TRIP4: variants seen among roughly 807,000 people sequenced by gnomAD.
TRIP4 encodes activating signal cointegrator 1.
In TRIP4, 54 loss-of-function variants were observed where a neutral mutation model predicts 81.8. The observed-to-expected ratio is 0.66, with a 90% confidence interval of 0.53 to 0.83. The LOEUF (loss-of-function observed/expected upper bound fraction) is 0.83. Ranked by LOEUF, TRIP4 falls within the 40% of genes least tolerant of loss-of-function variation. TRIP4 has a pLI of 0.00. For missense variants in TRIP4, 662 were observed against 683.6 expected, an observed-to-expected ratio of 0.97 and a Z score of 0.35; for synonymous variants, 270 against 242.8, an observed-to-expected ratio of 1.11 and a Z score of -1.04.
chr15:64,389,230 GA>G (rs1223443143), intron 1 of TRIP4, among the ~76,000 whole-genome samples: 3 of 152,190 alleles, frequency 2.0e-5, no homozygotes, highest in Admixed American at 2.0e-4. Flanking sequence ...CACTGATGTT[GA>G]AACCTAAATT....
In TRIP4 at chr15:64,418,600, A is replaced by G. The variant is rs1891939289; in HGVS notation, c.1230A>G (p.Gly410=). ...AGGCTTTCCGTTCTTCAGGATTTGGACTAGAGTTCAACTCATTTCAGCACC... is the reference window on the plus strand; with the variant it reads ...AGGCTTTCCGTTCTTCAGGATTTGGGCTAGAGTTCAACTCATTTCAGCACC... ...QKKAFRSSGF[G]LEFNSFQHQL... is the part of the protein sequence containing the mutation. The change falls in exon 9 of 13, where the codon GGA becomes GGG. Residue 410 remains glycine, a synonymous_variant. Transcript: ENST00000261884. 6.2e-7 allele frequency: 1 copy of G among 1,613,624 alleles called. No individual in the cohort carries two copies. The highest frequency in any genetic ancestry group is 1.7e-5 in the Admixed American group (1 of 60,012).
At chr15:64,395,912 C>T (rs1290509856) in intron 3 of TRIP4, among the ~76,000 whole-genome samples, 1 of 143,878 alleles carries the variant, frequency 7.0e-6, no homozygotes, top group Admixed American at 6.9e-5. Context: ...AGCTAATTTT[C>T]TTTTTTTTTT....
intron 1 of TRIP4, among the ~76,000 whole-genome samples, chr15:64,389,790 C>T (rs532156277): frequency 2.0e-5 from 3 of 149,404 alleles, no homozygotes; most frequent in African/African-American, 4.9e-5. Context: ...CTGCAACCTC[C>T]GCCTCCCACG....
chr15:64,427,591 G>C (rs891350043), intron 11 of TRIP4, among the ~76,000 whole-genome samples: 1 of 152,138 alleles, frequency 6.6e-6, no homozygotes. Flanking sequence ...GGCGAAGCTG[G>C]TCTTGAACTC....
At position 64,430,755 on chromosome 15, in the gene TRIP4, A is replaced by G. The variant is rs138484932; in HGVS notation, c.1575+5124A>G. 6.2e-3 allele frequency among the ~76,000 whole-genome samples: 944 copies of G among 152,282 alleles called. 9 individuals are homozygous for G. Among genetic ancestry groups the G allele is most frequent in the Non-Finnish European group, 8.8e-3 (600 of 68,016 alleles). On this transcript the variant is annotated intron_variant, in intron 11 of 12. Coordinates refer to ENST00000261884, the MANE Select transcript of TRIP4 (RefSeq NM_016213.5). Reference sequence around the variant, plus strand: ...GAATCCATTCCTTTCCTGCCAGCTTACTGACCCTTTAGTCTATTTGATCTT... The same window carrying G: ...GAATCCATTCCTTTCCTGCCAGCTTGCTGACCCTTTAGTCTATTTGATCTT...
At chr15:64,451,949 G>A (rs963891100) in intron 12 of TRIP4, among the ~76,000 whole-genome samples, 5 of 79,526 alleles carry the variant, frequency 6.3e-5, no homozygotes, top group African/African-American at 9.7e-5. Context: ...CACTGTGCCC[G>A]GCCCAAAAAA....
At chr15:64,448,413 G>A (rs1892682050) in intron 12 of TRIP4, among the ~76,000 whole-genome samples, 2 of 152,092 alleles carry the variant, frequency 1.3e-5, no homozygotes, top group Admixed American at 1.3e-4. Context: ...TATTGTTTCT[G>A]TTAGTTAATG....
intron 7 of TRIP4, among the ~76,000 whole-genome samples, chr15:64,410,189 C>T (rs973479485): frequency 1.3e-5 from 2 of 152,008 alleles, no homozygotes. Context: ...CCATGCCCAG[C>T]TAATTTTTGT....
At chr15:64,421,046 A>C (rs895089201) in intron 9 of TRIP4, among the ~76,000 whole-genome samples, 3 of 151,348 alleles carry the variant, frequency 2.0e-5, no homozygotes, top group Non-Finnish European at 4.4e-5. Context: ...ACGGTGGCTC[A>C]TGCCTGTAAT....
intron 8 of TRIP4, among the ~76,000 whole-genome samples, chr15:64,414,430 A>G (rs1006620668): frequency 1.3e-5 from 2 of 151,826 alleles, no homozygotes; most frequent in African/African-American, 4.8e-5. Context: ...TTATCTTCCA[A>G]GTACTTCCCA....
intron 11 of TRIP4, among the ~76,000 whole-genome samples, chr15:64,429,194 G>T (rs993077332): frequency 6.6e-6 from 1 of 152,008 alleles, no homozygotes; most frequent in Non-Finnish European, 1.5e-5. Context: ...GCAGGAGCCT[G>T]TAATCTCAGC....
intron 1 of TRIP4, among the ~76,000 whole-genome samples, chr15:64,389,729 G>A (rs1157943342): frequency 4.0e-5 from 2 of 49,590 alleles, no homozygotes; most frequent in Non-Finnish European, 7.8e-5. Context: ...TTTTTTTTTT[G>A]AGACAGATTC....
intron 11 of TRIP4, 31 bp from the exon 12 acceptor site, chr15:64,444,975 A>C: frequency 8.1e-7 from 1 of 1,241,172 alleles, no homozygotes; most frequent in Non-Finnish European, 1.2e-6. Flanking sequence ...TGTCCCAACT[A>C]TCCTGAACTT....
chr15:64,399,647 G>A (rs1211347145), intron 4 of TRIP4, among the ~76,000 whole-genome samples: 3 of 151,826 alleles, frequency 2.0e-5, no homozygotes, highest in Non-Finnish European at 4.4e-5. Flanking sequence ...GATTACAGGT[G>A]CCCACTACCA....
chr15:64,428,138 T>C (rs1892190286), intron 11 of TRIP4, among the ~76,000 whole-genome samples: 7 of 152,204 alleles, frequency 4.6e-5, no homozygotes. Context: ...ATGTGGATGA[T>C]GGTTTTTGGC....
At chr15:64,423,467 A>C (rs1892064270) in intron 9 of TRIP4, among the ~76,000 whole-genome samples, 1 of 150,602 alleles carries the variant, frequency 6.6e-6, no homozygotes, top group Non-Finnish European at 1.5e-5. Flanking sequence ...GTCTCAAAAA[A>C]AAAAAAAAAA....
chr15:64,392,091 A>G (rs973695896), intron 1 of TRIP4, among the ~76,000 whole-genome samples: 1 of 151,562 alleles, frequency 6.6e-6, no homozygotes, highest in South Asian at 2.1e-4. Flanking sequence ...CCTGGCCAAC[A>G]TAGTGAAACC....
At chr15:64,425,369 T>C (rs892683815) in intron 10 of TRIP4, among the ~76,000 whole-genome samples, 171 bp from the exon 11 acceptor site, 1 of 152,252 alleles carries the variant, frequency 6.6e-6, no homozygotes, top group African/African-American at 2.4e-5. Flanking sequence ...CACTAGATTT[T>C]TTTGCTAAAA....
At chr15:64,424,316 C>A in intron 10 of TRIP4, 161 bp downstream of exon 10, 1 of 958,276 alleles carries the variant, frequency 1.0e-6, no homozygotes, top group Non-Finnish European at 1.5e-6. Flanking sequence ...TGACAGCGTT[C>A]AAAGCATTAA....
Sources: gnomAD v4.1 joint callset for allele counts (sites outside exome capture counted in the v4.1 genomes callset) on GRCh38, gnomAD v4.1.1 for gene constraint, MANE v1.5 for transcripts, NCBI Gene and HGNC (gene_info 2026-07-23, HGNC 2026-07-21) for gene names.